The following ZNF277 variants were observed in gnomAD, a reference collection of about 807,000 sequenced individuals.
ZNF277 encodes nuclear receptor-interacting factor 4.
In ZNF277, 55 loss-of-function variants were observed where a neutral mutation model predicts 60.7. That is an observed-to-expected ratio of 0.91 (90% CI 0.73 to 1.13). The LOEUF is 1.13. ZNF277 is among the 50% of genes most tolerant of loss of function. The pLI, the probability that ZNF277 is intolerant of heterozygous loss-of-function variation, is 0.00. For synonymous variants in ZNF277, 178 were observed against 179.3 expected, an observed-to-expected ratio of 0.99 and a Z score of 0.06; for missense variants, 510 against 523.0, an observed-to-expected ratio of 0.98 and a Z score of 0.24.
chr7:112,267,627 C>T (rs973604670), intron 1 of ZNF277, among the ~76,000 whole-genome samples: 4 of 152,092 alleles, frequency 2.6e-5, no homozygotes, highest in African/African-American at 9.7e-5. Flanking sequence ...CTTTCTCTTG[C>T]CTACTTCTAA....
At chr7:112,228,440 G>A (rs1822231800) in intron 1 of ZNF277, among the ~76,000 whole-genome samples, 1 of 127,050 alleles carries the variant, frequency 7.9e-6, no homozygotes, top group African/African-American at 2.9e-5. Flanking sequence ...TGTTCTTTCT[G>A]GAAGAGGAGA....
chr7:112,342,317 T>C (rs2117150620), intron 11 of ZNF277, among the ~76,000 whole-genome samples: 1 of 152,278 alleles, frequency 6.6e-6, no homozygotes, highest in East Asian at 1.9e-4. Context: ...GAGGCAACTC[T>C]GGAGGGTGGG....
chr7:112,311,367 A>G (rs1390966929), intron 4 of ZNF277, among the ~76,000 whole-genome samples: 1 of 152,114 alleles, frequency 6.6e-6, no homozygotes, highest in African/African-American at 2.4e-5. Context: ...TCTTACAACT[A>G]TGGTTTTATC....
chr7:112,213,392 T>A (rs995230506), intron 1 of ZNF277, among the ~76,000 whole-genome samples: 2 of 152,190 alleles, frequency 1.3e-5, no homozygotes, highest in African/African-American at 4.8e-5. Context: ...AGAGGCCTTA[T>A]TTAAAGCATT....
At chr7:112,340,503 T>A (rs1170137642) in intron 10 of ZNF277, among the ~76,000 whole-genome samples, 8 of 152,236 alleles carry the variant, frequency 5.3e-5, no homozygotes, top group Non-Finnish European at 1.5e-5. Context: ...ACTTTGCTGC[T>A]TTTATAGACA....
intron 4 of ZNF277, among the ~76,000 whole-genome samples, chr7:112,312,746 A>G (rs1792759946): frequency 6.6e-6 from 1 of 152,084 alleles, no homozygotes; most frequent in Non-Finnish European, 1.5e-5. Context: ...TAAAAAATAG[A>G]AGAGTAGCAA....
At chr7:112,323,193 A>G (rs972753712) in intron 5 of ZNF277, among the ~76,000 whole-genome samples, 1 of 152,214 alleles carries the variant, frequency 6.6e-6, no homozygotes, top group African/African-American at 2.4e-5. Context: ...TCTGGGGCTT[A>G]CATAGACCAG....
chr7:112,220,334 G>A (rs76602473), intron 1 of ZNF277, among the ~76,000 whole-genome samples: 20,111 of 148,362 alleles, frequency 0.14, 1,410 homozygotes, highest in East Asian at 0.16. Flanking sequence ...TTTTTAATTC[G>A]TATGTTAGTG....
intron 1 of ZNF277, among the ~76,000 whole-genome samples, chr7:112,274,669 TA>T (rs1315234526): frequency 1.3e-5 from 2 of 152,306 alleles, no homozygotes; most frequent in South Asian, 2.1e-4. Context: ...TTAATTATAA[TA>T]GGGGGCATCA....
At chr7:112,292,029 TTTATCC>T in intron 2 of ZNF277, among the ~76,000 whole-genome samples, 1 of 152,306 alleles carries the variant, frequency 6.6e-6, no homozygotes, top group Non-Finnish European at 1.5e-5. Context: ...TATTACCTGC[TTTATCC>T]CATGGGAAAC....
At chr7:112,272,334 CACTT>C (rs1357542751) in intron 1 of ZNF277, among the ~76,000 whole-genome samples, 3 of 152,172 alleles carry the variant, frequency 2.0e-5, no homozygotes, top group Non-Finnish European at 2.9e-5. Flanking sequence ...CATTGACAGA[CACTT>C]ACGTTGCTTC....
intron 1 of ZNF277, among the ~76,000 whole-genome samples, chr7:112,262,037 G>A (rs910400397): frequency 1.3e-5 from 2 of 151,850 alleles, no homozygotes; most frequent in African/African-American, 4.8e-5. Flanking sequence ...TGAGTACCTA[G>A]GGTGTACTCA....
chr7:112,247,106 G>A (rs1046287866), intron 1 of ZNF277, among the ~76,000 whole-genome samples: 1 of 152,092 alleles, frequency 6.6e-6, no homozygotes, highest in Non-Finnish European at 1.5e-5. Context: ...TTTTGTATAA[G>A]CCAGTGAGAA....
At chr7:112,293,244 G>T (rs1236445687) in intron 2 of ZNF277, among the ~76,000 whole-genome samples, 1 of 152,038 alleles carries the variant, frequency 6.6e-6, no homozygotes, top group East Asian at 1.9e-4. Context: ...CATAAGATCT[G>T]TGCAGATAAG....
chr7:112,340,002 C>T, intron 10 of ZNF277, 117 bp downstream of exon 10: 1 of 891,202 alleles, frequency 1.1e-6, no homozygotes. Flanking sequence ...ACATGTCTCT[C>T]TATAGATGGT....
At chr7:112,215,928 G>A (rs1821867493) in intron 1 of ZNF277, among the ~76,000 whole-genome samples, 1 of 152,152 alleles carries the variant, frequency 6.6e-6, no homozygotes, top group East Asian at 1.9e-4. Context: ...AATTAGAAAA[G>A]AAAATATCCT....
At chr7:112,324,165 T>G (rs62473142) in intron 5 of ZNF277, among the ~76,000 whole-genome samples, 8,482 of 152,236 alleles carry the variant, frequency 0.056, 299 homozygotes, top group East Asian at 0.12. Context: ...CAAAAAAAAT[T>G]TAATATACCT....
chr7:112,237,719 G>A (rs1790838022), intron 1 of ZNF277, among the ~76,000 whole-genome samples: 1 of 152,044 alleles, frequency 6.6e-6, no homozygotes, highest in African/African-American at 2.4e-5. Flanking sequence ...GGACCATATG[G>A]TTTCCAGCTA....
chr7:112,259,582 A>T (rs1401956458), intron 1 of ZNF277, among the ~76,000 whole-genome samples: 4 of 152,192 alleles, frequency 2.6e-5, no homozygotes, highest in African/African-American at 9.6e-5. Context: ...ACTTTGTTTT[A>T]TTAACTCTTT....
Sources: gnomAD v4.1 joint callset for allele counts (sites outside exome capture counted in the v4.1 genomes callset) on GRCh38, gnomAD v4.1.1 for gene constraint, MANE v1.5 for transcripts, NCBI Gene and HGNC (gene_info 2026-07-23, HGNC 2026-07-21) for gene names.